The following USP13 variants were observed in gnomAD, a reference collection of about 807,000 sequenced individuals.
The protein encoded by USP13 is ubiquitin carboxyl-terminal hydrolase 13.
Under a neutral mutation model 107.8 loss-of-function variants are expected in USP13, and 68 were observed. That is an observed-to-expected ratio of 0.63 (90% CI 0.52 to 0.77). The LOEUF (loss-of-function observed/expected upper bound fraction) is 0.77. Ranked by LOEUF, USP13 falls within the 30% of genes least tolerant of loss-of-function variation. The pLI, the probability that USP13 is intolerant of heterozygous loss-of-function variation, is 0.00. For synonymous variants in USP13, 377 were observed against 389.5 expected (o/e 0.97, Z 0.38); for missense variants, 945 against 1,093.3 (o/e 0.86, Z 1.91).
rs1444865403 is a variant in USP13 at position 179,721,854 on chromosome 3, G to A, written c.1088+265G>A. 2.6e-5 allele frequency among the ~76,000 whole-genome samples: 4 copies of A among 151,950 alleles called. No homozygotes were observed. Among genetic ancestry groups the A allele is most frequent in the African/African-American group, 4.8e-5 (2 of 41,368 alleles). Reference sequence around the variant, plus strand: ...TGGGAGGCCGAGGCGGGCAGATCACGAGGTCAGGAGTTCAAGACCAGCCTG... The same window carrying A: ...TGGGAGGCCGAGGCGGGCAGATCACAAGGTCAGGAGTTCAAGACCAGCCTG... On this transcript the variant is annotated intron_variant, in intron 8 of 20. Coordinates refer to ENST00000263966, the MANE Select transcript of USP13 (RefSeq NM_003940.3). The surrounding 1 kb of genome is among the most constrained non-coding windows in gnomAD (Gnocchi z 4.3).
Position 179,719,975 on chromosome 3 carries a change from G to C in USP13, c.841G>C (p.Asp281His). ...TTTTCAAGAAGAAGAACCTGTTTTG[G>C]ATCCTCATTTGGCCAAGCACTTAGC... Reference protein sequence around the residue: ...YSFQEEEPVLDPHLAKHLAHF... With the variant: ...YSFQEEEPVLHPHLAKHLAHF... The change falls in exon 7 of 21, where the codon GAT becomes CAT. Residue 281 changes from aspartate to histidine, a missense_variant. By Grantham distance (81) the Asp-to-His change is moderately conservative. Transcript: ENST00000263966. 6.2e-7 allele frequency: 1 copy of C among 1,614,042 alleles called. No homozygotes were observed. The highest frequency in any genetic ancestry group is 8.5e-7 in the Non-Finnish European group (1 of 1,179,978).
At chr3:179,745,268 G>GGGGGGGGGGGGGC in intron 13 of USP13, 51 bp downstream of exon 13, 1 of 1,563,162 alleles carries the variant, frequency 6.4e-7, no homozygotes, top group Non-Finnish European at 8.8e-7. Context: ...GCCTTGAGGG[G>GGGGGGGGGGGGGC]TGGGGACAGG....
chr3:179,749,408 A>G (rs918022094), intron 13 of USP13, among the ~76,000 whole-genome samples: 2 of 152,226 alleles, frequency 1.3e-5, no homozygotes, highest in Non-Finnish European at 1.5e-5. Context: ...TATTTAAAAC[A>G]TATCATTTTT....
intron 8 of USP13, among the ~76,000 whole-genome samples, chr3:179,726,631 T>A (rs1347306598): frequency 1.3e-5 from 2 of 150,622 alleles, no homozygotes; most frequent in Non-Finnish European, 2.9e-5. Flanking sequence ...CTTGGCCTGG[T>A]GCCTGGCTGC....
chr3:179,733,121 C>T (rs1041454723), intron 10 of USP13, among the ~76,000 whole-genome samples: 1 of 152,200 alleles, frequency 6.6e-6, no homozygotes, highest in Non-Finnish European at 1.5e-5. Context: ...TGACTCATGA[C>T]CTGACTGGGA....
chr3:179,770,432 A>G (rs984913981), intron 19 of USP13, among the ~76,000 whole-genome samples: 3 of 152,210 alleles, frequency 2.0e-5, no homozygotes, highest in Admixed American at 6.5e-5. Flanking sequence ...CTGCTAAATT[A>G]TATAAAGGTA....
Position 179,653,257 on chromosome 3 carries a change from C to G in USP13, c.32C>G (p.Pro11Arg), listed in dbSNP as rs867359191. Residue 11 changes from proline to arginine, a missense_variant, in exon 1 of 21, where the codon CCG becomes CGG. Pro to Arg is a moderately radical substitution (Grantham distance 103). Transcript: ENST00000263966. The surrounding 1 kb of genome is among the most constrained non-coding windows in gnomAD (Gnocchi z 4.0). MQRRGALFGM[P>R]GGSGGRKMAA... ...CGCCGGGGCGCCCTGTTCGGCATGC[C>G]GGGCGGCAGCGGAGGCAGGAAGATG... 1.9e-6 allele frequency: 3 copies of G among 1,559,458 alleles called. No individual in the cohort carries two copies. The highest frequency in any genetic ancestry group is 1.9e-5 in the Admixed American group (1 of 51,814).
At chr3:179,724,528 G>A (rs1713446250) in intron 8 of USP13, among the ~76,000 whole-genome samples, 4 of 151,340 alleles carry the variant, frequency 2.6e-5, no homozygotes, top group Admixed American at 2.6e-4. Context: ...AAAGAAAAAT[G>A]ACTCAGAAAG....
At chr3:179,676,554 A>T (rs2108448767) in intron 1 of USP13, among the ~76,000 whole-genome samples, 1 of 152,312 alleles carries the variant, frequency 6.6e-6, no homozygotes, top group Non-Finnish European at 1.5e-5. Context: ...TTATCCACAT[A>T]GACTTTTTAT....
chr3:179,765,594 C>T, intron 18 of USP13, 101 bp from the exon 19 acceptor site: 3 of 1,415,488 alleles, frequency 2.1e-6, no homozygotes, highest in Non-Finnish European at 2.9e-6. Context: ...TAATTCAGAC[C>T]TCCTTCCCTA....
intron 2 of USP13, among the ~76,000 whole-genome samples, chr3:179,685,885 C>T (rs1156713570): frequency 2.0e-5 from 3 of 152,120 alleles, no homozygotes; most frequent in Admixed American, 2.0e-4. Context: ...TAGCTTACTT[C>T]TCATGATTCA....
At chr3:179,728,149 G>T (rs568344893) in intron 8 of USP13, among the ~76,000 whole-genome samples, 1 of 135,114 alleles carries the variant, frequency 7.4e-6, no homozygotes, top group East Asian at 2.4e-4. Flanking sequence ...AGGGGCGGCC[G>T]GGCAGAGGCG....
At chr3:179,730,465 G>A (rs1427546500) in intron 9 of USP13, 151 bp from the exon 10 acceptor site, 1 of 832,376 alleles carries the variant, frequency 1.2e-6, no homozygotes, top group Non-Finnish European at 1.8e-6. Flanking sequence ...TCAGTATGAA[G>A]CAGAATCAAA....
At chr3:179,768,086 A>G (rs868369753) in intron 19 of USP13, among the ~76,000 whole-genome samples, 3 of 152,214 alleles carry the variant, frequency 2.0e-5, no homozygotes, top group Non-Finnish European at 4.4e-5. Context: ...CAGGTTACTC[A>G]ATAATGTATG....
chr3:179,743,455 G>A (rs559420561), intron 12 of USP13, among the ~76,000 whole-genome samples: 1 of 151,432 alleles, frequency 6.6e-6, no homozygotes, highest in Non-Finnish European at 1.5e-5. Flanking sequence ...TTTCTTGTGT[G>A]TGGGGGGTGG....
chr3:179,694,799 C>CAA (rs576517737), intron 3 of USP13, among the ~76,000 whole-genome samples: 39 of 81,754 alleles, frequency 4.8e-4, no homozygotes, highest in East Asian at 1.2e-3. Context: ...AACTCCATCT[C>CAA]AAAAAAAAAA....
chr3:179,682,124 G>A, intron 2 of USP13, 121 bp downstream of exon 2: 1 of 1,338,074 alleles, frequency 7.5e-7, no homozygotes, highest in Admixed American at 2.5e-5. Flanking sequence ...TTGACGATGA[G>A]AAACAAAAAC....
chr3:179,783,338 A>T (rs1715812444), intron 20 of USP13, among the ~76,000 whole-genome samples: 1 of 152,162 alleles, frequency 6.6e-6, no homozygotes. Flanking sequence ...ATGCACACAT[A>T]CTACATATAA....
At chr3:179,740,824 T>A (rs1714169484) in intron 11 of USP13, among the ~76,000 whole-genome samples, 1 of 151,874 alleles carries the variant, frequency 6.6e-6, no homozygotes, top group Non-Finnish European at 1.5e-5. Flanking sequence ...TAGAGTGCAG[T>A]GGCACAATCT....
Sources: gnomAD v4.1 joint callset for allele counts (sites outside exome capture counted in the v4.1 genomes callset) on GRCh38, gnomAD v4.1.1 for gene constraint, Gnocchi (gnomAD v3.1) non-coding constraint, MANE v1.5 for transcripts, NCBI Gene and HGNC (gene_info 2026-07-23, HGNC 2026-07-21) for gene names.